SLC71A1: variants seen among roughly 807,000 people sequenced by gnomAD.
SLC71A1 encodes solute carrier family 71 member 1.
the SLC71A1 span, chr1:100,068,344 T>C: frequency 5.1e-4 from 473 of 926,100 alleles, no homozygotes; most frequent in Non-Finnish European, 6.8e-4. Context: ...TTGGGGAATA[T>C]GAAATAAATA....
the SLC71A1 span, among the ~76,000 whole-genome samples, chr1:100,050,620 C>T: frequency 6.6e-6 from 1 of 151,930 alleles, no homozygotes; most frequent in Non-Finnish European, 1.5e-5. Flanking sequence ...GTACAGTTTA[C>T]CAAATCCTAG....
chr1:100,074,506 G>A, the SLC71A1 span, among the ~76,000 whole-genome samples: 2 of 151,952 alleles, frequency 1.3e-5, no homozygotes, highest in South Asian at 4.2e-4. Flanking sequence ...TTGAACCTGG[G>A]AGGTGGAGGT....
chr1:100,049,423 A>C, the SLC71A1 span, among the ~76,000 whole-genome samples: 62 of 150,974 alleles, frequency 4.1e-4, no homozygotes, highest in Admixed American at 3.9e-3. Context: ...CATGGCCTTC[A>C]GAATTAAATA....
the SLC71A1 span, among the ~76,000 whole-genome samples, chr1:100,041,937 G>A: frequency 0.011 from 1,668 of 148,650 alleles, 37 homozygotes; most frequent in African/African-American, 0.041. Flanking sequence ...AAAAAAAAAA[G>A]AAGTTTTTAG....
At chr1:100,064,208 C>CT in the SLC71A1 span, among the ~76,000 whole-genome samples, 11 of 152,122 alleles carry the variant, frequency 7.2e-5, no homozygotes, top group Non-Finnish European at 1.6e-4. Flanking sequence ...GAGGTGTGAT[C>CT]TTGGCTTACT....
the SLC71A1 span, among the ~76,000 whole-genome samples, chr1:100,046,228 T>G: frequency 1.9e-5 from 2 of 107,130 alleles, no homozygotes; most frequent in Admixed American, 9.0e-5. Flanking sequence ...TTTTTTTTTT[T>G]TTTTTTTTTT....
the SLC71A1 span, chr1:100,061,852 T>C: frequency 1.2e-6 from 2 of 1,610,806 alleles, no homozygotes; most frequent in Non-Finnish European, 1.7e-6. Flanking sequence ...TTTGCTGTTA[T>C]CTCTGTTTCT....
At chr1:100,046,585 A>G in the SLC71A1 span, among the ~76,000 whole-genome samples, 471 of 152,258 alleles carry the variant, frequency 3.1e-3, 3 homozygotes, top group African/African-American at 0.011. Context: ...GTGGTTCCAT[A>G]TAAGTTTTAG....
the SLC71A1 span, among the ~76,000 whole-genome samples, chr1:100,075,852 A>AT: frequency 1.3e-5 from 2 of 151,978 alleles, no homozygotes; most frequent in Non-Finnish European, 2.9e-5. Context: ...TAATTTTTCA[A>AT]TTTTTTGTAG....
chr1:100,049,033 C>A, the SLC71A1 span, among the ~76,000 whole-genome samples: 34 of 152,328 alleles, frequency 2.2e-4, no homozygotes, highest in South Asian at 2.1e-4. Flanking sequence ...TCCCCTCCAA[C>A]ATTCATACTG....
At chr1:100,058,777 A>T in the SLC71A1 span, 2 of 947,550 alleles carry the variant, frequency 2.1e-6, no homozygotes, top group Non-Finnish European at 3.3e-6. Context: ...ACATACACAT[A>T]CACGCACACG....
chr1:100,049,927 C>T, the SLC71A1 span: 3 of 1,602,398 alleles, frequency 1.9e-6, no homozygotes, highest in Non-Finnish European at 1.7e-6. Flanking sequence ...AATAGGTTCT[C>T]CTAGTGTCTA....
chr1:100,051,549 G>A, the SLC71A1 span, among the ~76,000 whole-genome samples: 1 of 150,466 alleles, frequency 6.6e-6, no homozygotes, highest in Non-Finnish European at 1.5e-5. Context: ...CAAGTACAAC[G>A]ATTTGGAACT....
At chr1:100,083,005 ATGTC>A in the SLC71A1 span, 1 of 152,560 alleles carries the variant, frequency 6.6e-6, no homozygotes, top group Non-Finnish European at 1.5e-5. Context: ...AGCCTTGAAA[ATGTC>A]AGTGTGATAT....
the SLC71A1 span, chr1:100,069,702 A>G: frequency 6.5e-7 from 1 of 1,540,078 alleles, no homozygotes; most frequent in Non-Finnish European, 9.0e-7. Flanking sequence ...TTCTTTTTTT[A>G]GTTAGAGTGA....
At chr1:100,059,144 G>GTGT in the SLC71A1 span, among the ~76,000 whole-genome samples, 1 of 75,428 alleles carries the variant, frequency 1.3e-5, no homozygotes, top group African/African-American at 5.9e-5. Flanking sequence ...TCTTTTTCGT[G>GTGT]TTTTTTTTTT....
At chr1:100,073,664 T>C in the SLC71A1 span, among the ~76,000 whole-genome samples, 2 of 152,198 alleles carry the variant, frequency 1.3e-5, no homozygotes, top group South Asian at 2.1e-4. Flanking sequence ...CATGAGAAGG[T>C]AGTCCGTGTG....
the SLC71A1 span, among the ~76,000 whole-genome samples, chr1:100,061,123 G>A: frequency 6.6e-6 from 1 of 152,098 alleles, no homozygotes; most frequent in South Asian, 2.1e-4. Flanking sequence ...GATAGTCTTG[G>A]TGGAATGATA....
the SLC71A1 span, chr1:100,061,744 C>T: frequency 5.7e-4 from 446 of 784,392 alleles, 2 homozygotes; most frequent in Middle Eastern, 2.9e-4. Context: ...CTGAAATGAG[C>T]TGCTCTTACG....
Sources: gnomAD v4.1 joint callset for allele counts (sites outside exome capture counted in the v4.1 genomes callset) on GRCh38, gnomAD v4.1.1 for gene constraint, MANE v1.5 for transcripts, NCBI Gene and HGNC (gene_info 2026-07-23, HGNC 2026-07-21) for gene names.